Variants in PITPNM3 observed in about 807,000 individuals in gnomAD.
PITPNM3 encodes PITPNM family member 3, also known as membrane-associated phosphatidylinositol transfer protein 3.
A neutral mutation model predicts 102.0 loss-of-function variants in PITPNM3; 26 were observed. That is an observed-to-expected ratio of 0.25 (90% CI 0.19 to 0.35). The LOEUF is 0.35. PITPNM3 is among the 10% of genes least tolerant of loss of function. PITPNM3 has a pLI of 1.00. For synonymous variants in PITPNM3, 578 were observed against 558.6 expected (o/e 1.03, Z -0.49); for missense variants, 1,083 against 1,346.1 (o/e 0.80, Z 3.06).
At chr17:6,498,657 G>A (rs774131875) in intron 4 of PITPNM3, among the ~76,000 whole-genome samples, 3 of 152,172 alleles carry the variant, frequency 2.0e-5, no homozygotes, top group Non-Finnish European at 4.4e-5. Context: ...GGAGGAGTGG[G>A]TGGGTCTCAT....
chr17:6,508,096 C>A (rs943549637), intron 3 of PITPNM3, among the ~76,000 whole-genome samples: 5 of 150,646 alleles, frequency 3.3e-5, no homozygotes, highest in African/African-American at 1.2e-4. Context: ...ATGCAGAGTT[C>A]AGAGGCCGGA....
intron 3 of PITPNM3, among the ~76,000 whole-genome samples, chr17:6,504,506 GC>G (rs1907372107): frequency 6.6e-6 from 1 of 152,158 alleles, no homozygotes. Flanking sequence ...TGGGGTCATG[GC>G]CCCCGGGCTC....
rs1555551352 is a variant in PITPNM3 at position 6,467,082 on chromosome 17, A to AAAAAAAAAAC, written c.1890+1142_1890+1143insGTTTTTTTTT. Among the ~76,000 whole-genome samples the AAAAAAAAAAC allele has an allele frequency of 1.4e-3, 172 of 122,790 alleles. 1 individual carries two copies. The highest frequency in any genetic ancestry group is 1.9e-3 in the African/African-American group (52 of 27,430). 80.6% of individuals were successfully genotyped at this position (122,790 alleles called of 152,430 possible). A position where few individuals can be genotyped will look rare whatever the true frequency, so the allele number is the denominator to read the frequency against. ...CGTCTCAAAACAAAAAAAAAAAACC[A>AAAAAAAAAAC]AAAAAAAAAAACAGGTGAAAACAAC... On this transcript the variant is annotated intron_variant, in intron 14 of 19. Coordinates refer to ENST00000262483, the MANE Select transcript of PITPNM3 (RefSeq NM_031220.4).
chr17:6,525,582 A>G, intron 2 of PITPNM3, 119 bp from the exon 3 acceptor site: 1 of 756,726 alleles, frequency 1.3e-6, no homozygotes, highest in East Asian at 2.6e-5. Context: ...GTTGAGGTAC[A>G]CCTCAACTCT....
At position 6,457,552 on chromosome 17, in the gene PITPNM3, C is replaced by A; in HGVS notation, c.2619+42G>T. 6.2e-7 allele frequency: 1 copy of A among 1,613,112 alleles called. No individual in the cohort carries two copies. Reference sequence around the variant, plus strand: ...TTACTCCCTCTATCCCTTTCCCTGACCTCCCTCACAACTCCCCGCCTCCAG... The same window carrying A: ...TTACTCCCTCTATCCCTTTCCCTGAACTCCCTCACAACTCCCCGCCTCCAG... On this transcript the variant is annotated intron_variant, in intron 19 of 19. Transcript: ENST00000262483. The surrounding 1 kb of genome is among the most constrained non-coding windows in gnomAD (Gnocchi z 4.7).
At chr17:6,506,696 C>T (rs543942200) in intron 3 of PITPNM3, among the ~76,000 whole-genome samples, 1 of 152,254 alleles carries the variant, frequency 6.6e-6, no homozygotes, top group African/African-American at 2.4e-5. Flanking sequence ...TACTGTATTT[C>T]CTCATGCCCA....
rs745815225 is a variant in PITPNM3 at position 6,468,144 on chromosome 17, T to G, written c.1890+81A>C. The G allele has an allele frequency of 7.4e-6, 10 of 1,355,808 alleles. No individual in the cohort carries two copies. 84.0% of individuals were successfully genotyped at this position (1,355,808 alleles called of 1,614,324 possible). ...GACAAATTGAAGCGCTTACCTCCCA[T>G]GTGGATGCCCCAGCCCCCGGGCCAG... On this transcript the variant is annotated intron_variant, in intron 14 of 19. Transcript: ENST00000262483. This position sits in a 1 kb window ranked among gnomAD's most constrained non-coding sequence, Gnocchi z 5.2.
Position 6,477,468 on chromosome 17 carries a change from C to G in PITPNM3, c.901-255G>C, listed in dbSNP as rs542440039. 3.9e-5 allele frequency among the ~76,000 whole-genome samples: 6 copies of G among 152,360 alleles called. No homozygotes were observed. In the East Asian group the frequency reaches 1.2e-3, roughly 29 times the overall value. ...GTCGAAGGGGCCAAATCCAGCTCTCCAGGCCTCAGTTTCCACACCTGTCAT... is the reference window on the plus strand; with the variant it reads ...GTCGAAGGGGCCAAATCCAGCTCTCGAGGCCTCAGTTTCCACACCTGTCAT... On this transcript the variant is annotated intron_variant, in intron 8 of 19. Transcript: ENST00000262483.
chr17:6,475,667 T>TA (rs1905270357), intron 9 of PITPNM3, among the ~76,000 whole-genome samples: 1 of 152,090 alleles, frequency 6.6e-6, no homozygotes, highest in Admixed American at 6.5e-5. Flanking sequence ...GCCAACTACT[T>TA]AATTGCCAAA....
rs1340049932 is a variant in PITPNM3 at position 6,454,125 on chromosome 17, A to G, written c.*1213T>C. 1 of 152,320 alleles carries G rather than the reference A, an allele frequency of 6.6e-6. No individual in the cohort carries two copies. The highest frequency in any genetic ancestry group is 2.4e-5 in the African/African-American group (1 of 41,464). The allele number at this position is 152,320 out of a possible 1,614,324, so 9.4% of individuals were successfully genotyped here. ...TTCCAGGAACCCCTAGAACCCTGGA[A>G]TCTCAGCTCTATGCCTCTGGGAGCC... is the stretch of plus-strand genomic sequence containing the variant. On this transcript the variant is annotated 3_prime_UTR_variant, in exon 20 of 20. Transcript: ENST00000262483.
At position 6,468,734 on chromosome 17, in the gene PITPNM3, G is replaced by A. The variant is rs542839050; in HGVS notation, c.1774-393C>T. ...CCAGCCATGCTCCCCTCCCAATCCC[G>A]CAGAGCTGATTAGACTCCCTCCGCT... is the stretch of plus-strand genomic sequence containing the variant. On this transcript the variant is annotated intron_variant, in intron 13 of 19. Transcript: ENST00000262483. This position sits in a 1 kb window ranked among gnomAD's most constrained non-coding sequence, Gnocchi z 5.2. Among the ~76,000 whole-genome samples the A allele has an allele frequency of 3.3e-5, 5 of 152,098 alleles. No homozygotes were observed. In the East Asian group the frequency reaches 7.7e-4, roughly 24 times the overall value.
rs761342538 is a variant in PITPNM3 at position 6,483,648 on chromosome 17, G to T, written c.456C>A (p.Ala152=). 98 of 1,613,962 alleles carry T rather than the reference G, an allele frequency of 6.1e-5. No individual in the cohort carries two copies. Among genetic ancestry groups the T allele is most frequent in the Non-Finnish European group, 7.1e-5 (84 of 1,180,024 alleles). ...GCACGGAGCTGAAGGTGTGGATGTC[G>T]GCTGCCTTGCAGGACGGGTCCCCGG... ...TGAGDPSCKA[A]DIHTFSSVLE... Residue 152 remains alanine (A), a synonymous_variant, in exon 6 of 20, where the codon GCC becomes GCA. Coordinates refer to ENST00000262483, the MANE Select transcript of PITPNM3 (RefSeq NM_031220.4).
chr17:6,456,018 T>TTTAA (rs1202519646), intron 19 of PITPNM3, among the ~76,000 whole-genome samples: 1 of 151,884 alleles, frequency 6.6e-6, no homozygotes, highest in Non-Finnish European at 1.5e-5. Flanking sequence ...CCTATTTTAT[T>TTTAA]TTAATTAATT....
At chr17:6,498,499 C>T (rs1057234888) in intron 4 of PITPNM3, among the ~76,000 whole-genome samples, 4 of 152,164 alleles carry the variant, frequency 2.6e-5, no homozygotes, top group South Asian at 4.1e-4. Flanking sequence ...CTCTCTGACA[C>T]GCTGAAGGGA....
At chr17:6,516,723 G>A (rs999453699) in intron 3 of PITPNM3, among the ~76,000 whole-genome samples, 1 of 151,790 alleles carries the variant, frequency 6.6e-6, no homozygotes, top group African/African-American at 2.4e-5. Flanking sequence ...CAGAATACAA[G>A]GACTAAAGAT....
In PITPNM3 at chr17:6,469,415, C is replaced by G. The variant is rs933800530; in HGVS notation, c.1773+845G>C. Among the ~76,000 whole-genome samples, 2 of 151,850 alleles carry G rather than the reference C, an allele frequency of 1.3e-5. No individual in the cohort carries two copies. The highest frequency in any genetic ancestry group is 2.9e-5 in the Non-Finnish European group (2 of 67,954). On this transcript the variant is annotated intron_variant, in intron 13 of 19. Transcript: ENST00000262483. The surrounding 1 kb of genome is among the most constrained non-coding windows in gnomAD (Gnocchi z 4.0). ...CCCCAGCCCAGCACACTCTCTCCCA[C>G]CCCCAAGAACCTACAAACAAAACTC...
chr17:6,515,787 G>A (rs1394773759), intron 3 of PITPNM3, among the ~76,000 whole-genome samples: 3 of 152,110 alleles, frequency 2.0e-5, no homozygotes, highest in Admixed American at 1.3e-4. Context: ...AATGTAGCAT[G>A]AGCCCATGCT....
intron 1 of PITPNM3, among the ~76,000 whole-genome samples, chr17:6,554,012 T>C (rs577169018): frequency 3.9e-4 from 59 of 152,170 alleles, no homozygotes; most frequent in Middle Eastern, 3.4e-3. Flanking sequence ...TTCAGTAGGC[T>C]TATGAGCATC....
intron 3 of PITPNM3, among the ~76,000 whole-genome samples, chr17:6,505,218 A>ATATATATATATATATATATAT (rs1555556418): frequency 6.8e-6 from 1 of 145,994 alleles, no homozygotes; most frequent in African/African-American, 2.5e-5. Context: ...ATATATATGT[A>ATATATATATATATATATATAT]AAGCCTTCAG....
Sources: gnomAD v4.1 joint callset for allele counts (sites outside exome capture counted in the v4.1 genomes callset) on GRCh38, gnomAD v4.1.1 for gene constraint, Gnocchi (gnomAD v3.1) non-coding constraint, MANE v1.5 for transcripts, NCBI Gene and HGNC (gene_info 2026-07-23, HGNC 2026-07-21) for gene names.